Variants in AHI1 observed in about 807,000 individuals in gnomAD.
AHI1 encodes the protein jouberin.
A neutral mutation model predicts 149.3 loss-of-function variants in AHI1; 123 were observed. That is an observed-to-expected ratio of 0.82 (90% CI 0.71 to 0.96). The LOEUF (loss-of-function observed/expected upper bound fraction) is 0.96, where lower values mean the gene tolerates loss of function less well. Ranked by LOEUF, AHI1 falls within the 40% of genes least tolerant of loss-of-function variation. The pLI is 0.00. For missense variants in AHI1, 1,439 were observed against 1,422.7 expected (o/e 1.01, Z -0.18); for synonymous variants, 475 against 459.8 (o/e 1.03, Z -0.42).
intron 24 of AHI1, among the ~76,000 whole-genome samples, chr6:135,343,596 T>G (rs1449643888): frequency 1.3e-5 from 2 of 150,744 alleles, no homozygotes; most frequent in Admixed American, 6.6e-5. Context: ...ACATTTTTGG[T>G]CACCTGATTT....
chr6:135,337,253 C>T lies in AHI1; in HGVS notation c.3166-13929G>A, dbSNP rs559435474. ...AGTACTTTTCTTCATACTAATTTCTCACTCACAATTTGTTGAGGCCACCAA... is the reference window on the plus strand; with the variant it reads ...AGTACTTTTCTTCATACTAATTTCTTACTCACAATTTGTTGAGGCCACCAA... On this transcript the variant is annotated intron_variant, in intron 24 of 28. Coordinates refer to ENST00000265602, the MANE Select transcript of AHI1 (RefSeq NM_001134831.2). Among the ~76,000 whole-genome samples the T allele has an allele frequency of 5.3e-5, 8 of 152,286 alleles. No homozygotes were observed. The East Asian group carries it at 1.5e-3, about 29-fold the overall frequency.
chr6:135,328,181 C>T (rs1447709469), intron 24 of AHI1, among the ~76,000 whole-genome samples: 3 of 152,134 alleles, frequency 2.0e-5, no homozygotes, highest in Non-Finnish European at 4.4e-5. Flanking sequence ...AATTGGAGTA[C>T]ATCTAGCTGG....
chr6:135,372,458 C>T (rs1039147734), intron 23 of AHI1, among the ~76,000 whole-genome samples: 69 of 150,838 alleles, frequency 4.6e-4, no homozygotes, highest in African/African-American at 1.7e-3. Flanking sequence ...TGTTTAAGCC[C>T]GGGAGTCTGA....
At chr6:135,373,263 T>G (rs951987609) in intron 23 of AHI1, among the ~76,000 whole-genome samples, 2 of 152,194 alleles carry the variant, frequency 1.3e-5, no homozygotes, top group African/African-American at 4.8e-5. Flanking sequence ...AGATACACAA[T>G]TTTTACCATT....
At chr6:135,348,898 T>G (rs1248850032) in intron 24 of AHI1, among the ~76,000 whole-genome samples, 1 of 152,144 alleles carries the variant, frequency 6.6e-6, no homozygotes, top group African/African-American at 2.4e-5. Context: ...AGAATAATAT[T>G]AATAAGGCAG....
chr6:135,407,876 CAA>C (rs1409687507), intron 21 of AHI1, among the ~76,000 whole-genome samples: 1 of 149,592 alleles, frequency 6.7e-6, no homozygotes, highest in Admixed American at 6.6e-5. Flanking sequence ...ACTAAAAATA[CAA>C]AAAAAAATTA....
At chr6:135,357,922 G>C (rs374382857) in intron 24 of AHI1, among the ~76,000 whole-genome samples, 13 of 151,618 alleles carry the variant, frequency 8.6e-5, no homozygotes, top group Admixed American at 3.3e-4. Flanking sequence ...TTTTTAGAAG[G>C]GTAAAAATCA....
At chr6:135,488,775 A>G (rs1207441438) in intron 5 of AHI1, among the ~76,000 whole-genome samples, 1 of 152,100 alleles carries the variant, frequency 6.6e-6, no homozygotes, top group African/African-American at 2.4e-5. Context: ...TGTTCTGTAC[A>G]TAGGACTCCC....
rs559509037 is a variant in AHI1, at chr6:135,340,971, A to G, written c.3165+17161T>C. Among the ~76,000 whole-genome samples, 6 of 151,644 alleles carry G rather than the reference A, an allele frequency of 4.0e-5. No individual in the cohort carries two copies. In the South Asian group the frequency reaches 8.3e-4, roughly 21 times the overall value. The stretch of plus-strand genomic sequence containing the variant: ...AACTCAAGAAAATATACTAAAGGGA[A>G]AAGAAAATTAAAATTATATAGTAAA... On this transcript the variant is annotated intron_variant, in intron 24 of 28. Transcript: ENST00000265602.
At chr6:135,489,712 C>T (rs1794974162) in intron 5 of AHI1, among the ~76,000 whole-genome samples, 1 of 151,990 alleles carries the variant, frequency 6.6e-6, no homozygotes, top group South Asian at 2.1e-4. Context: ...CACTATGAAC[C>T]CTCACATATG....
chr6:135,312,733 G>C (rs146567778), intron 26 of AHI1, among the ~76,000 whole-genome samples: 1 of 152,288 alleles, frequency 6.6e-6, no homozygotes, highest in African/African-American at 2.4e-5. Flanking sequence ...CTAATTAGCA[G>C]CATCATTTTA....
chr6:135,323,003 C>T (rs556871751), intron 25 of AHI1, among the ~76,000 whole-genome samples, 159 bp downstream of exon 25: 1 of 152,298 alleles, frequency 6.6e-6, no homozygotes, highest in Non-Finnish European at 1.5e-5. Flanking sequence ...CTAGTGCCTC[C>T]TCTTTTTATT....
intron 15 of AHI1, chr6:135,435,096 C>A (rs1785207045): frequency 6.6e-6 from 1 of 152,156 alleles, no homozygotes. Context: ...CACTTGTGAG[C>A]ATTTGCAATT....
rs373669500 is a variant in AHI1, at chr6:135,448,383, A to C, written c.1533T>G (p.Val511=). ...TTGACCACCATTCAAATGCCTCAAC[A>C]ACACTTAATGGGGATCGAGGCTTAG... ...PPTKPRSPLS[V]VEAFEWWSKC... is the part of the protein sequence containing the mutation. Residue 511 remains valine (V), a synonymous_variant, in exon 12 of 29, where the codon GTT becomes GTG. Transcript: ENST00000265602. The C allele has an allele frequency of 9.1e-5, 146 of 1,610,656 alleles. No individual in the cohort carries two copies. The African/African-American group carries it at 1.5e-3, about 17-fold the overall frequency.
At chr6:135,396,903 A>G (rs929773347) in intron 22 of AHI1, among the ~76,000 whole-genome samples, 3 of 151,778 alleles carry the variant, frequency 2.0e-5, no homozygotes, top group Admixed American at 6.6e-5. Flanking sequence ...TCTTCTTCAG[A>G]AATTTGTGTT....
intron 28 of AHI1, among the ~76,000 whole-genome samples, chr6:135,288,118 C>CA (rs1477373507): frequency 6.6e-6 from 1 of 151,928 alleles, no homozygotes; most frequent in Non-Finnish European, 1.5e-5. Flanking sequence ...CAAAACACAA[C>CA]AAAAAAACCT....
At chr6:135,389,950 A>C (rs1778232766) in intron 23 of AHI1, among the ~76,000 whole-genome samples, 1 of 152,200 alleles carries the variant, frequency 6.6e-6, no homozygotes, top group Non-Finnish European at 1.5e-5. Flanking sequence ...CCACATGATG[A>C]CTTTGAATGT....
intron 23 of AHI1, among the ~76,000 whole-genome samples, chr6:135,370,585 T>G (rs1211279883): frequency 6.6e-6 from 1 of 152,236 alleles, no homozygotes; most frequent in South Asian, 2.1e-4. Flanking sequence ...AATGTTCCCA[T>G]GTATTTAAGT....
chr6:135,301,109 A>G, intron 26 of AHI1: 1 of 985,376 alleles, frequency 1.0e-6, no homozygotes, highest in Non-Finnish European at 1.2e-6. Context: ...TGAGCATCGG[A>G]TACTTCCTTT....
Sources: gnomAD v4.1 joint callset for allele counts (sites outside exome capture counted in the v4.1 genomes callset) on GRCh38, gnomAD v4.1.1 for gene constraint, MANE v1.5 for transcripts, NCBI Gene and HGNC (gene_info 2026-07-23, HGNC 2026-07-21) for gene names.